Variants in ATIC observed in about 807,000 individuals in gnomAD.
The protein encoded by ATIC is 5-aminoimidazole-4-carboxamide ribonucleotide formyltransferase/IMP cyclohydrolase.
In ATIC, 64 loss-of-function variants were observed where a neutral mutation model predicts 72.5. That is an observed-to-expected ratio of 0.88 (90% CI 0.72 to 1.09). The LOEUF (loss-of-function observed/expected upper bound fraction) is 1.09, where lower values mean the gene tolerates loss of function less well. Ranked by LOEUF, ATIC falls within the 50% of genes least tolerant of loss-of-function variation. The pLI is 0.00. For synonymous variants in ATIC, 281 were observed against 267.1 expected, an observed-to-expected ratio of 1.05 and a Z score of -0.51; for missense variants, 787 against 732.4, an observed-to-expected ratio of 1.07 and a Z score of -0.86.
intron 4 of ATIC, among the ~76,000 whole-genome samples, chr2:215,323,241 G>A (rs931052269): frequency 8.5e-5 from 13 of 152,246 alleles, no homozygotes; most frequent in African/African-American, 2.4e-4. Context: ...CACTGCGCCC[G>A]GCCCCAACTT....
chr2:215,316,844 C>G (rs2052715083), intron 2 of ATIC, among the ~76,000 whole-genome samples: 1 of 152,138 alleles, frequency 6.6e-6, no homozygotes, highest in Admixed American at 6.5e-5. Context: ...CTCACTGCAA[C>G]CTCCGCCTCC....
At chr2:215,367,702 T>C in the ATIC span, 1 of 748,012 alleles carries the variant, frequency 1.3e-6, no homozygotes, top group Non-Finnish European at 2.3e-6. Flanking sequence ...CCCATCATTT[T>C]TCTATGATGC....
chr2:215,312,719 C>T, intron 2 of ATIC, 95 bp downstream of exon 2: 2 of 1,568,014 alleles, frequency 1.3e-6, no homozygotes, highest in Admixed American at 1.8e-5. Flanking sequence ...CTTATTTACT[C>T]CTCCCAGTAG....
intron 4 of ATIC, among the ~76,000 whole-genome samples, chr2:215,322,863 C>G (rs144237633): frequency 6.6e-6 from 1 of 152,182 alleles, no homozygotes; most frequent in South Asian, 2.1e-4. Context: ...TACACTATTA[C>G]TATAGGCTGG....
intron 7 of ATIC, among the ~76,000 whole-genome samples, chr2:215,329,659 A>G (rs980246203): frequency 8.5e-5 from 13 of 152,080 alleles, no homozygotes; most frequent in African/African-American, 3.1e-4. Flanking sequence ...GAAAATTCCT[A>G]TTTATTTCAG....
intron 7 of ATIC, among the ~76,000 whole-genome samples, chr2:215,329,314 A>T (rs2052864503): frequency 6.6e-6 from 1 of 152,208 alleles, no homozygotes; most frequent in African/African-American, 2.4e-5. Flanking sequence ...ATTGGACTAT[A>T]TAAAAGCCTT....
intron 4 of ATIC, among the ~76,000 whole-genome samples, chr2:215,322,408 C>T (rs531515138): frequency 4.7e-5 from 7 of 150,232 alleles, no homozygotes; most frequent in South Asian, 2.1e-4. Flanking sequence ...CGGCTCACTG[C>T]AACCTTCGCC....
chr2:215,351,054 G>C (rs2053126847), downstream of ATIC, among the ~76,000 whole-genome samples: 1 of 152,166 alleles, frequency 6.6e-6, no homozygotes, highest in African/African-American at 2.4e-5. Flanking sequence ...TAAGACTTTT[G>C]AGGCTAGGTC....
intron 11 of ATIC, 79 bp downstream of exon 11, chr2:215,336,203 A>G (rs1476722766): frequency 9.4e-7 from 1 of 1,068,390 alleles, no homozygotes; most frequent in African/African-American, 1.6e-5. Context: ...TCTTTCCTTT[A>G]TACTCATACC....
chr2:215,315,901 G>C (rs2052703397), intron 2 of ATIC, among the ~76,000 whole-genome samples: 1 of 151,634 alleles, frequency 6.6e-6, no homozygotes. Flanking sequence ...GTTGCAGTGA[G>C]CCGAGATTCC....
intron 4 of ATIC, among the ~76,000 whole-genome samples, chr2:215,323,879 T>C (rs2052795121): frequency 2.0e-5 from 3 of 152,182 alleles, no homozygotes; most frequent in Admixed American, 2.0e-4. Flanking sequence ...GTTTAAGTGA[T>C]TATCTTGCTT....
In ATIC at chr2:215,333,337, A is replaced by G. The variant is rs758755562; in HGVS notation, c.815-13A>G. On this transcript the variant is annotated splice_polypyrimidine_tract_variant and intron_variant, in intron 8 of 15. Transcript: ENST00000236959. ...AGCTTTCTTTGTTTATGATTTTACT[A>G]TTTTCTAACCAGGTGCTGCTGTTGG... is the stretch of plus-strand genomic sequence containing the variant. 13 of 1,611,494 alleles carry G rather than the reference A, an allele frequency of 8.1e-6. No homozygotes were observed. The highest frequency in any genetic ancestry group is 1.7e-5 in the Admixed American group (1 of 59,996).
chr2:215,367,595 T>A, the ATIC span: 1 of 463,570 alleles, frequency 2.2e-6, no homozygotes, highest in Non-Finnish European at 4.0e-6. Context: ...TCACAGAAAA[T>A]TTCAAAAATC....
In ATIC at chr2:215,326,025, G is replaced by C. The variant is rs763367872; in HGVS notation, c.418G>C (p.Ala140Pro). ...ACTGAGAGCTGCAGCCAAAAACCAC[G>C]CTCGAGTGACAGTGGTGTGTGAACC... is the stretch of plus-strand genomic sequence containing the variant. The part of the protein sequence containing the change: ...TLLRAAAKNH[A>P]RVTVVCEPED... The change falls in exon 6 of 16, where the codon GCT becomes CCT. Residue 140 changes from alanine to proline, a missense_variant. Coordinates refer to ENST00000236959, the MANE Select transcript of ATIC (RefSeq NM_004044.7). 1 of 1,614,102 alleles carries C rather than the reference G, an allele frequency of 6.2e-7. No individual in the cohort carries two copies. Among genetic ancestry groups the C allele is most frequent in the African/African-American group, 1.3e-5 (1 of 75,030 alleles).
chr2:215,364,914 C>T, the ATIC span: 1 of 1,571,220 alleles, frequency 6.4e-7, no homozygotes, highest in Non-Finnish European at 8.6e-7. Flanking sequence ...GAGCAAATGG[C>T]ACCGAGATAT....
Position 215,312,318 on chromosome 2 carries a change from G to A in ATIC, c.19+157G>A, listed in dbSNP as rs1278898463. On this transcript the variant is annotated intron_variant, in intron 1 of 15. Transcript: ENST00000236959. ...CCCGGCCGGGCCGCAGCCTGCGTGG[G>A]GCCCGCCTTAGAGCAGCTCGCGGGT... The A allele has an allele frequency of 5.5e-6, 8 of 1,458,982 alleles. No homozygotes were observed. In the Admixed American group the frequency reaches 1.1e-4, roughly 20 times the overall value. 90.4% of individuals were successfully genotyped at this position (1,458,982 alleles called of 1,614,324 possible).
intron 4 of ATIC, among the ~76,000 whole-genome samples, chr2:215,323,576 A>G (rs2052792553): frequency 6.6e-6 from 1 of 151,992 alleles, no homozygotes; most frequent in African/African-American, 2.4e-5. Context: ...GCTTTGCTGA[A>G]CTCATTTATT....
rs1323092344 is a variant in ATIC, at chr2:215,318,791, C to G, written c.223+558C>G. 2.0e-5 allele frequency among the ~76,000 whole-genome samples: 3 copies of G among 152,246 alleles called. No homozygotes were observed. The East Asian group carries it at 5.8e-4, about 29-fold the overall frequency. On this transcript the variant is annotated intron_variant, in intron 3 of 15. Coordinates refer to ENST00000236959, the MANE Select transcript of ATIC (RefSeq NM_004044.7). Reference sequence around the variant, plus strand: ...GCATAGACTGTTCTGGAACTAGCAACAGTTTTGTAAAATTCCTTTTACCTT... The same window carrying G: ...GCATAGACTGTTCTGGAACTAGCAAGAGTTTTGTAAAATTCCTTTTACCTT...
intron 13 of ATIC, among the ~76,000 whole-genome samples, chr2:215,346,385 T>TA (rs1225181341): frequency 6.6e-6 from 1 of 152,150 alleles, no homozygotes; most frequent in African/African-American, 2.4e-5. Flanking sequence ...CAGGCTGGTC[T>TA]CCTGAGCTCA....
Sources: gnomAD v4.1 joint callset for allele counts (sites outside exome capture counted in the v4.1 genomes callset) on GRCh38, gnomAD v4.1.1 for gene constraint, MANE v1.5 for transcripts, NCBI Gene and HGNC (gene_info 2026-07-23, HGNC 2026-07-21) for gene names.